The following CEP20 variants were observed in gnomAD, a reference collection of about 807,000 sequenced individuals.
The protein encoded by CEP20 is FGFR1OP N-terminal like.
Under a neutral mutation model 20.0 loss-of-function variants are expected in CEP20, and 18 were observed. The observed-to-expected ratio is 0.90, with a 90% CI of 0.62 to 1.34. The LOEUF is 1.34. Among genes scored for constraint, CEP20 ranks in the 40% most tolerant of loss-of-function variants. The pLI is 0.00. For missense variants in CEP20, 215 were observed against 201.6 expected (o/e 1.07, Z -0.40); for synonymous variants, 77 against 73.7 (o/e 1.04, Z -0.23).
intron 4 of CEP20, among the ~76,000 whole-genome samples, chr16:15,869,867 C>T (rs2044771768): frequency 1.3e-5 from 2 of 152,116 alleles, no homozygotes; most frequent in African/African-American, 2.4e-5. Flanking sequence ...GAGGTTGTGT[C>T]AATAAAATTT....
At chr16:15,882,425 G>A (rs2151429958) in intron 2 of CEP20, among the ~76,000 whole-genome samples, 1 of 152,204 alleles carries the variant, frequency 6.6e-6, no homozygotes, top group African/African-American at 2.4e-5. Context: ...AGCTACTTGG[G>A]AGGCTGAGGC....
chr16:15,871,209 T>C (rs1463642205), intron 4 of CEP20, among the ~76,000 whole-genome samples: 2 of 152,002 alleles, frequency 1.3e-5, no homozygotes, highest in African/African-American at 2.4e-5. Flanking sequence ...TGAGGTGAGA[T>C]TGTGCCATTG....
At chr16:15,870,353 C>T (rs2044784281) in intron 4 of CEP20, among the ~76,000 whole-genome samples, 1 of 152,126 alleles carries the variant, frequency 6.6e-6, no homozygotes, top group African/African-American at 2.4e-5. Flanking sequence ...AACTCAGAAA[C>T]TCATATTGTC....
At chr16:15,872,631 C>A (rs2044848491) in intron 4 of CEP20, among the ~76,000 whole-genome samples, 1 of 152,046 alleles carries the variant, frequency 6.6e-6, no homozygotes, top group Non-Finnish European at 1.5e-5. Context: ...ATTGCTTGAG[C>A]CCGGCAGTTC....
At chr16:15,875,208 A>C (rs1316905122) in intron 3 of CEP20, among the ~76,000 whole-genome samples, 3 of 152,238 alleles carry the variant, frequency 2.0e-5, no homozygotes, top group Non-Finnish European at 2.9e-5. Flanking sequence ...TTTATTTAAT[A>C]AGATGCCGCA....
At chr16:15,885,873 T>C (rs537709118) in intron 1 of CEP20, 2 of 152,394 alleles carry the variant, frequency 1.3e-5, no homozygotes, top group East Asian at 3.9e-4. Context: ...AAAGCAGTTA[T>C]GATCATGGGA....
Position 15,867,351 on chromosome 16 carries a change from T to C in CEP20, c.*89A>G. 1.1e-6 allele frequency: 1 copy of C among 937,512 alleles called. No individual in the cohort carries two copies. The highest frequency in any genetic ancestry group is 2.4e-5 in the South Asian group (1 of 41,300). The allele number at this position is 937,512 out of a possible 1,614,324, so 58.1% of individuals were successfully genotyped here. A position where few individuals can be genotyped will look rare whatever the true frequency, so the allele number is the denominator to read the frequency against. ...TAGAAACTCCAATTTCTACAAACAT[T>C]AGTGGTGCATTTTGGTAACATTGGG... On this transcript the variant is annotated 3_prime_UTR_variant, in exon 5 of 5. Coordinates refer to ENST00000255759, the MANE Select transcript of CEP20 (RefSeq NM_144600.4).
chr16:15,888,507 A>G, intron 1 of CEP20, 51 bp downstream of exon 1: 3 of 1,613,276 alleles, frequency 1.9e-6, no homozygotes, highest in Non-Finnish European at 8.5e-7. Context: ...TCCTTTCCAC[A>G]AGATGAAGGC....
At chr16:15,872,223 G>A (rs1452702227) in intron 4 of CEP20, among the ~76,000 whole-genome samples, 1 of 151,548 alleles carries the variant, frequency 6.6e-6, no homozygotes, top group African/African-American at 2.4e-5. Flanking sequence ...CTGAGGCAGG[G>A]GAATGGCATG....
intron 2 of CEP20, among the ~76,000 whole-genome samples, chr16:15,882,472 G>C (rs1367547792): frequency 1.3e-5 from 2 of 152,004 alleles, no homozygotes; most frequent in Non-Finnish European, 2.9e-5. Flanking sequence ...AGACGTTGCA[G>C]TGAGCCGAGA....
At chr16:15,879,313 G>A (rs974825751) in intron 3 of CEP20, among the ~76,000 whole-genome samples, 10 of 151,924 alleles carry the variant, frequency 6.6e-5, no homozygotes, top group African/African-American at 2.2e-4. Flanking sequence ...CTAAGTTGGA[G>A]TGAAGGAAGA....
At chr16:15,886,828 G>A (rs931226228) in intron 1 of CEP20, among the ~76,000 whole-genome samples, 4 of 152,078 alleles carry the variant, frequency 2.6e-5, no homozygotes, top group African/African-American at 7.2e-5. Flanking sequence ...AGAACACTGC[G>A]CCATCAAAAC....
intron 4 of CEP20, among the ~76,000 whole-genome samples, chr16:15,867,902 G>A (rs1185471701): frequency 1.3e-5 from 2 of 150,424 alleles, no homozygotes; most frequent in East Asian, 2.0e-4. Flanking sequence ...GAACCTGGGA[G>A]GCAGAAGTTG....
chr16:15,876,080 A>G (rs576586247), intron 3 of CEP20, among the ~76,000 whole-genome samples: 9 of 151,894 alleles, frequency 5.9e-5, no homozygotes, highest in African/African-American at 1.7e-4. Context: ...AAAAAAAAAA[A>G]AGAGAAAGAA....
intron 4 of CEP20, among the ~76,000 whole-genome samples, chr16:15,869,349 C>T (rs555393736): frequency 3.5e-5 from 5 of 143,970 alleles, no homozygotes; most frequent in Admixed American, 7.2e-5. Context: ...CTCGCTCTGT[C>T]GCCCAGGCTG....
chr16:15,868,354 T>A (rs1171885893), intron 4 of CEP20, among the ~76,000 whole-genome samples: 1 of 151,276 alleles, frequency 6.6e-6, no homozygotes, highest in Non-Finnish European at 1.5e-5. Flanking sequence ...AACTCAGAAG[T>A]GGAGGTTGCA....
chr16:15,874,335 G>A (rs1298045679), intron 3 of CEP20, among the ~76,000 whole-genome samples: 2 of 152,006 alleles, frequency 1.3e-5, no homozygotes, highest in Non-Finnish European at 2.9e-5. Context: ...TTTACAGAAC[G>A]TATACCTCTT....
chr16:15,870,280 C>A (rs547071714), intron 4 of CEP20, among the ~76,000 whole-genome samples: 76 of 152,266 alleles, frequency 5.0e-4, no homozygotes, highest in African/African-American at 1.7e-3. Context: ...CTGATAGTAT[C>A]AATGACTTGG....
At chr16:15,879,778 GA>G (rs2151427948) in intron 3 of CEP20, 25 bp downstream of exon 3, 1 of 1,364,772 alleles carries the variant, frequency 7.3e-7, no homozygotes, top group East Asian at 2.4e-5. Context: ...ACAATATGTG[GA>G]AACTTCTTTA....
Sources: gnomAD v4.1 joint callset for allele counts (sites outside exome capture counted in the v4.1 genomes callset) on GRCh38, gnomAD v4.1.1 for gene constraint, MANE v1.5 for transcripts, NCBI Gene and HGNC (gene_info 2026-07-23, HGNC 2026-07-21) for gene names.